Variants in LEKR1 observed in about 807,000 individuals in gnomAD.
LEKR1 encodes the protein leucine, glutamate and lysine rich 1.
In LEKR1, 59 loss-of-function variants were observed where a neutral mutation model predicts 72.4. The ratio of observed to expected loss-of-function variants is 0.82; its 90% CI spans 0.66 to 1.01. The LOEUF (loss-of-function observed/expected upper bound fraction) is 1.01. Ranked by LOEUF, LEKR1 falls within the 50% of genes least tolerant of loss-of-function variation. LEKR1 has a pLI of 0.00. For synonymous variants in LEKR1, 257 were observed against 263.2 expected (o/e 0.98, Z 0.23); for missense variants, 728 against 759.2 (o/e 0.96, Z 0.48).
chr3:156,832,141 A>G (rs1712495677), intron 2 of LEKR1, among the ~76,000 whole-genome samples: 1 of 152,182 alleles, frequency 6.6e-6, no homozygotes, highest in African/African-American at 2.4e-5. Flanking sequence ...TGCATAAGAA[A>G]ACATTGGTGC....
intron 9 of LEKR1, among the ~76,000 whole-genome samples, chr3:157,008,908 T>C (rs1335413612): frequency 2.0e-5 from 3 of 152,184 alleles, no homozygotes; most frequent in African/African-American, 4.8e-5. Context: ...ATACCACAAT[T>C]TATCTGTTCT....
chr3:156,996,493 T>C (rs4680324), intron 9 of LEKR1, among the ~76,000 whole-genome samples: 24,476 of 152,182 alleles, frequency 0.16, 2,854 homozygotes, highest in African/African-American at 0.32. Context: ...CTGTTTTCAG[T>C]GCAATGAAGA....
intron 12 of LEKR1, among the ~76,000 whole-genome samples, chr3:157,042,019 C>T (rs755408521): frequency 5.3e-5 from 8 of 152,126 alleles, no homozygotes; most frequent in Non-Finnish European, 8.8e-5. Context: ...CCTATATTTC[C>T]ATTGTTTTAT....
chr3:156,829,823 A>T lies in LEKR1; in HGVS notation c.48+446A>T, dbSNP rs550758760. Among the ~76,000 whole-genome samples the T allele has an allele frequency of 6.6e-4, 101 of 152,226 alleles. 1 individual carries two copies. Among genetic ancestry groups the T allele is most frequent in the Admixed American group, 2.8e-3 (43 of 15,290 alleles). ...TAGGTCCACTTATATGTGGGTTTTTAAAATAAATATATTGGAAAATGTTTT... is the reference window on the plus strand; with the variant it reads ...TAGGTCCACTTATATGTGGGTTTTTTAAATAAATATATTGGAAAATGTTTT... On this transcript the variant is annotated intron_variant, in intron 2 of 12. Transcript: ENST00000356539.
chr3:156,843,984 T>C (rs757005144), intron 2 of LEKR1, among the ~76,000 whole-genome samples: 1 of 152,130 alleles, frequency 6.6e-6, no homozygotes, highest in Non-Finnish European at 1.5e-5. Context: ...GAAAAAGCAT[T>C]TTCTTCAAAA....
At chr3:156,956,515 G>A (rs554374138) in intron 6 of LEKR1, among the ~76,000 whole-genome samples, 3 of 151,936 alleles carry the variant, frequency 2.0e-5, no homozygotes, top group African/African-American at 7.2e-5. Flanking sequence ...ATTAACAATG[G>A]GGAAAAAGCA....
intron 10 of LEKR1, among the ~76,000 whole-genome samples, chr3:157,020,849 G>A (rs569654872): frequency 0.024 from 3,606 of 151,826 alleles, 169 homozygotes; most frequent in African/African-American, 0.083. Context: ...CTGAGGAATC[G>A]CCACACTGAC....
intron 2 of LEKR1, among the ~76,000 whole-genome samples, chr3:156,847,956 T>C (rs1714832022): frequency 6.6e-6 from 1 of 152,236 alleles, no homozygotes; most frequent in Non-Finnish European, 1.5e-5. Flanking sequence ...ATGTGAAGTT[T>C]ATAGCATTTC....
chr3:156,952,387 C>A (rs1727235363), intron 6 of LEKR1, among the ~76,000 whole-genome samples: 1 of 151,438 alleles, frequency 6.6e-6, no homozygotes, highest in South Asian at 2.1e-4. Context: ...TTGTGAAATT[C>A]TTTAATGTAT....
intron 2 of LEKR1, among the ~76,000 whole-genome samples, chr3:156,838,006 C>T (rs1007833653): frequency 2.0e-5 from 3 of 152,168 alleles, no homozygotes; most frequent in Non-Finnish European, 2.9e-5. Context: ...TCCAAAATGA[C>T]GTTTTTTATT....
chr3:156,991,633 G>A (rs1370266922), intron 7 of LEKR1, among the ~76,000 whole-genome samples: 1 of 151,998 alleles, frequency 6.6e-6, no homozygotes, highest in African/African-American at 2.4e-5. Flanking sequence ...ATAAGATCAA[G>A]GCAAAGTTTT....
chr3:157,037,320 A>G (rs1464523319), intron 12 of LEKR1, among the ~76,000 whole-genome samples: 1 of 152,272 alleles, frequency 6.6e-6, no homozygotes, highest in South Asian at 2.1e-4. Flanking sequence ...TTTACTTTTT[A>G]GCTATATGTA....
intron 5 of LEKR1, among the ~76,000 whole-genome samples, chr3:156,928,553 G>T (rs1380207215): frequency 2.0e-5 from 3 of 151,984 alleles, no homozygotes; most frequent in African/African-American, 7.2e-5. Context: ...GGTACAGTTT[G>T]CTCCATGCAA....
chr3:156,871,406 G>A (rs527851178), intron 3 of LEKR1, among the ~76,000 whole-genome samples: 11 of 152,196 alleles, frequency 7.2e-5, no homozygotes, highest in South Asian at 2.1e-4. Context: ...GAATAATGCC[G>A]CAATAAACAT....
intron 6 of LEKR1, among the ~76,000 whole-genome samples, chr3:156,958,703 C>A (rs1169880886): frequency 1.3e-5 from 2 of 152,162 alleles, no homozygotes; most frequent in Non-Finnish European, 2.9e-5. Context: ...CACACGCCAG[C>A]CAACGGGCCT....
chr3:156,964,008 A>G (rs1302663847), intron 6 of LEKR1, among the ~76,000 whole-genome samples: 3 of 152,206 alleles, frequency 2.0e-5, no homozygotes, highest in Non-Finnish European at 4.4e-5. Flanking sequence ...ATACCTGATG[A>G]TGGCTTACAA....
At chr3:156,868,431 G>A (rs1262114222) in intron 3 of LEKR1, among the ~76,000 whole-genome samples, 2 of 152,034 alleles carry the variant, frequency 1.3e-5, no homozygotes, top group Non-Finnish European at 2.9e-5. Flanking sequence ...GATGAGGAAT[G>A]TATCTTACCT....
intron 3 of LEKR1, among the ~76,000 whole-genome samples, chr3:156,856,346 T>C (rs959292915): frequency 1.3e-5 from 2 of 152,184 alleles, no homozygotes; most frequent in African/African-American, 4.8e-5. Context: ...CACTTTTAAC[T>C]ACTTTAGCTT....
intron 3 of LEKR1, among the ~76,000 whole-genome samples, chr3:156,910,273 G>T (rs1418035795): frequency 6.6e-6 from 1 of 152,094 alleles, no homozygotes; most frequent in Non-Finnish European, 1.5e-5. Context: ...TAGTTTGTCA[G>T]CCCATACTGC....
Sources: gnomAD v4.1 joint callset for allele counts (sites outside exome capture counted in the v4.1 genomes callset) on GRCh38, gnomAD v4.1.1 for gene constraint, MANE v1.5 for transcripts, NCBI Gene and HGNC (gene_info 2026-07-23, HGNC 2026-07-21) for gene names.